ZBTB20: variants seen among roughly 807,000 people sequenced by gnomAD.
ZBTB20 encodes zinc finger and BTB domain containing 20, also known as zinc finger and BTB domain-containing protein 20.
In ZBTB20, 9 loss-of-function variants were observed where a neutral mutation model predicts 56.9. The ratio of observed to expected loss-of-function variants is 0.16; its 90% confidence interval spans 0.10 to 0.28. The LOEUF (loss-of-function observed/expected upper bound fraction) is 0.28, where lower values mean the gene tolerates loss of function less well. Ranked by LOEUF, ZBTB20 falls within the 10% of genes least tolerant of loss-of-function variation. The pLI, the probability that ZBTB20 is intolerant of heterozygous loss-of-function variation, is 1.00. For synonymous variants in ZBTB20, 417 were observed against 420.7 expected, an observed-to-expected ratio of 0.99 and a Z score of 0.11; for missense variants, 655 against 1,003.0, an observed-to-expected ratio of 0.65 and a Z score of 4.69.
chr3:114,381,034 C>A (rs962984361), intron 8 of ZBTB20, 94 bp from the exon 9 acceptor site: 3 of 303,262 alleles, frequency 9.9e-6, no homozygotes, highest in African/African-American at 6.5e-5. Context: ...ATTCAACTTT[C>A]CTGCTCTTAT....
chr3:114,583,663 G>A (rs916048597), intron 6 of ZBTB20, among the ~76,000 whole-genome samples: 7 of 152,064 alleles, frequency 4.6e-5, no homozygotes, highest in African/African-American at 1.4e-4. Context: ...AAAATTAATT[G>A]AACTAACTAA....
At chr3:114,438,606 T>G (rs1323167080) in intron 7 of ZBTB20, among the ~76,000 whole-genome samples, 1 of 152,074 alleles carries the variant, frequency 6.6e-6, no homozygotes, top group Non-Finnish European at 1.5e-5. Flanking sequence ...ATGGAGGAAT[T>G]AACTTTTGAG....
intron 6 of ZBTB20, among the ~76,000 whole-genome samples, chr3:114,627,720 G>A (rs1157867025): frequency 6.6e-6 from 1 of 152,162 alleles, no homozygotes; most frequent in Non-Finnish European, 1.5e-5. Flanking sequence ...GAATGCACAG[G>A]GGAGTAACTG....
intron 5 of ZBTB20, among the ~76,000 whole-genome samples, chr3:114,790,885 T>C (rs1045506339): frequency 1.7e-4 from 26 of 152,074 alleles, no homozygotes; most frequent in Admixed American, 2.0e-4. Flanking sequence ...TCATTCTTCA[T>C]TGTTTCCAAT....
chr3:115,000,390 G>T (rs2079199235), intron 2 of ZBTB20, among the ~76,000 whole-genome samples: 1 of 151,516 alleles, frequency 6.6e-6, no homozygotes, highest in Non-Finnish European at 1.5e-5. Flanking sequence ...ACCGCTAGAA[G>T]TCTTTAAGGG....
At chr3:114,530,188 C>G (rs1350962640) in intron 6 of ZBTB20, among the ~76,000 whole-genome samples, 1 of 152,224 alleles carries the variant, frequency 6.6e-6, no homozygotes, top group East Asian at 1.9e-4. Context: ...ACTCATCACT[C>G]ACTCATTCAC....
intron 7 of ZBTB20, among the ~76,000 whole-genome samples, chr3:114,418,387 GC>G (rs907887452): frequency 6.6e-6 from 1 of 151,988 alleles, no homozygotes; most frequent in Admixed American, 6.6e-5. Context: ...TCTGAGTCAT[GC>G]AAATTTATTC....
chr3:114,741,566 C>T (rs1170036882), intron 5 of ZBTB20, among the ~76,000 whole-genome samples: 3 of 152,056 alleles, frequency 2.0e-5, no homozygotes, highest in Non-Finnish European at 4.4e-5. Context: ...TCATTGTGTA[C>T]TAAGGCTTCT....
At chr3:115,122,138 G>A (rs1333788626) in intron 1 of ZBTB20, among the ~76,000 whole-genome samples, 2 of 151,972 alleles carry the variant, frequency 1.3e-5, no homozygotes, top group Admixed American at 1.3e-4. Context: ...TATCTTGATC[G>A]AAAAGAAAAT....
chr3:114,923,212 TAGAC>T lies in ZBTB20; in HGVS notation c.-455-22874_-455-22871del, dbSNP rs1482434305. 2.0e-5 allele frequency among the ~76,000 whole-genome samples: 3 copies of T among 152,282 alleles called. No homozygotes were observed. The East Asian group carries it at 5.8e-4, about 29-fold the overall frequency. On this transcript the variant is annotated intron_variant, in intron 3 of 11. Transcript: ENST00000675478. Reference sequence around the variant, plus strand: ...ATTATAATGATATTTTTTACAGAAATAGACAAAACAATCCTGAAATTTGTTTGGA... The same window carrying T: ...ATTATAATGATATTTTTTACAGAAATAAAACAATCCTGAAATTTGTTTGGA...
At chr3:114,631,220 A>G (rs2058919675) in intron 6 of ZBTB20, among the ~76,000 whole-genome samples, 1 of 152,032 alleles carries the variant, frequency 6.6e-6, no homozygotes, top group Non-Finnish European at 1.5e-5. Flanking sequence ...GGTATTCAGA[A>G]GAGTCATTAC....
intron 6 of ZBTB20, among the ~76,000 whole-genome samples, chr3:114,559,409 G>T (rs2051700949): frequency 6.6e-6 from 1 of 152,116 alleles, no homozygotes; most frequent in South Asian, 2.1e-4. Flanking sequence ...GCACAATTCT[G>T]GTCTGAAATC....
At chr3:115,099,087 G>C (rs1576774902) in intron 1 of ZBTB20, among the ~76,000 whole-genome samples, 1 of 152,104 alleles carries the variant, frequency 6.6e-6, no homozygotes, top group Non-Finnish European at 1.5e-5. Context: ...TTTCAATTTT[G>C]AAGAACACTA....
At chr3:114,965,418 G>A (rs967346957) in intron 3 of ZBTB20, among the ~76,000 whole-genome samples, 1 of 151,888 alleles carries the variant, frequency 6.6e-6, no homozygotes, top group Non-Finnish European at 1.5e-5. Context: ...GTGAAATTTT[G>A]TACCCCTTGA....
At chr3:114,789,725 A>G (rs535997797) in intron 5 of ZBTB20, among the ~76,000 whole-genome samples, 3 of 152,172 alleles carry the variant, frequency 2.0e-5, no homozygotes, top group South Asian at 4.1e-4. Flanking sequence ...TACAAGGATA[A>G]TTAATATCTA....
rs765414405 is a variant in ZBTB20 at position 114,639,285 on chromosome 3, A to G, written c.-295+54243T>C. Among the ~76,000 whole-genome samples the G allele has an allele frequency of 4.0e-4, 61 of 152,034 alleles. 1 individual carries two copies. The highest frequency in any genetic ancestry group is 2.1e-3 in the Admixed American group (32 of 15,246). ...AAGGTGTGATTTAATCAGAAGCCAG[A>G]GTAATTATGGCAGGAGGTGGGGAAA... On this transcript the variant is annotated intron_variant, in intron 6 of 11. Coordinates refer to ENST00000675478, the MANE Select transcript of ZBTB20 (RefSeq NM_001348800.3).
chr3:114,407,188 T>G (rs2087420501), intron 7 of ZBTB20, among the ~76,000 whole-genome samples: 1 of 152,294 alleles, frequency 6.6e-6, no homozygotes, highest in South Asian at 2.1e-4. Context: ...TGCTTTGGAT[T>G]AGAAAATCAA....
chr3:114,533,732 C>T (rs1020510428), intron 6 of ZBTB20, among the ~76,000 whole-genome samples: 6 of 152,038 alleles, frequency 3.9e-5, no homozygotes, highest in African/African-American at 1.5e-4. Context: ...TAAGGGCAGC[C>T]AGAGAGAAAG....
At position 114,549,763 on chromosome 3, in the gene ZBTB20, T is replaced by C. The variant is rs181210818; in HGVS notation, c.-294-49372A>G. Among the ~76,000 whole-genome samples, 1,085 of 151,722 alleles carry C rather than the reference T, an allele frequency of 7.2e-3. 12 individuals carry two copies. Among genetic ancestry groups the C allele is most frequent in the African/African-American group, 0.025 (1,033 of 41,434 alleles). ...AAGTTGACCTTTTTCTTTTTTTTTT[T>C]TTTTTGACTGATGCTGTTAATAGAG... On this transcript the variant is annotated intron_variant, in intron 6 of 11. Transcript: ENST00000675478.
Sources: allele counts gnomAD v4.1 joint callset (sites outside exome capture counted in the v4.1 genomes callset), GRCh38; gene constraint gnomAD v4.1.1; transcripts MANE v1.5; gene names NCBI Gene and HGNC (gene_info 2026-07-23, HGNC 2026-07-21).